Variants in SCAI observed in about 807,000 individuals in gnomAD.
SCAI encodes protein SCAI.
In SCAI, 24 loss-of-function variants were observed where a neutral mutation model predicts 92.2. The ratio of observed to expected loss-of-function variants is 0.26; its 90% CI spans 0.19 to 0.37. The LOEUF is 0.37. SCAI is among the 10% of genes least tolerant of loss of function. The pLI, the probability that SCAI is intolerant of heterozygous loss-of-function variation, is 1.00. For missense variants in SCAI, 450 were observed against 736.2 expected (o/e 0.61, Z 4.50); for synonymous variants, 261 against 258.6 (o/e 1.01, Z -0.09).
intron 6 of SCAI, among the ~76,000 whole-genome samples, chr9:125,021,285 G>A (rs1294132606): frequency 6.6e-6 from 1 of 152,142 alleles, no homozygotes; most frequent in African/African-American, 2.4e-5. Context: ...CCTTTTACTT[G>A]ATGTTTTTAG....
intron 2 of SCAI, among the ~76,000 whole-genome samples, chr9:125,093,418 C>T (rs1834481483): frequency 6.6e-6 from 1 of 152,118 alleles, no homozygotes; most frequent in South Asian, 2.1e-4. Flanking sequence ...CTCAAAGTTT[C>T]CACTGATGGT....
intron 17 of SCAI, among the ~76,000 whole-genome samples, chr9:124,957,275 G>A (rs1056293890): frequency 2.2e-4 from 33 of 152,182 alleles, no homozygotes; most frequent in South Asian, 1.9e-3. Context: ...TTAAAGGAGT[G>A]AGCCAGCATA....
At chr9:125,115,127 C>T (rs1252247438) in intron 2 of SCAI, among the ~76,000 whole-genome samples, 1 of 151,858 alleles carries the variant, frequency 6.6e-6, no homozygotes, top group Non-Finnish European at 1.5e-5. Context: ...AATCCCAGCA[C>T]TTCAGGAGGC....
chr9:125,058,046 C>T (rs2043368397), intron 2 of SCAI, among the ~76,000 whole-genome samples: 1 of 151,736 alleles, frequency 6.6e-6, no homozygotes, highest in Non-Finnish European at 1.5e-5. Flanking sequence ...GTGCAGAGAG[C>T]TATGATCCCT....
At chr9:125,041,912 C>T (rs1157209054) in intron 3 of SCAI, among the ~76,000 whole-genome samples, 2 of 152,080 alleles carry the variant, frequency 1.3e-5, no homozygotes, top group Non-Finnish European at 2.9e-5. Context: ...AGACATATCA[C>T]AGAAGTTAAT....
intron 2 of SCAI, among the ~76,000 whole-genome samples, chr9:125,128,418 G>A (rs1438377474): frequency 5.9e-5 from 9 of 151,566 alleles, no homozygotes; most frequent in African/African-American, 1.5e-4. Flanking sequence ...TCAGGAGTTC[G>A]AGACCAGCCT....
intron 2 of SCAI, among the ~76,000 whole-genome samples, chr9:125,099,514 T>G (rs1210179359): frequency 6.6e-6 from 1 of 152,148 alleles, no homozygotes; most frequent in East Asian, 1.9e-4. Flanking sequence ...CCTCCTGGCC[T>G]CAAGTGATGC....
At chr9:125,050,731 C>T (rs985330445) in intron 3 of SCAI, among the ~76,000 whole-genome samples, 3 of 152,066 alleles carry the variant, frequency 2.0e-5, no homozygotes, top group Admixed American at 2.0e-4. Context: ...CACCACCACA[C>T]CCAGCTAATT....
chr9:125,064,568 G>A (rs1833839926), intron 2 of SCAI, among the ~76,000 whole-genome samples: 1 of 152,164 alleles, frequency 6.6e-6, no homozygotes, highest in South Asian at 2.1e-4. Flanking sequence ...ATTCTCAGGT[G>A]GGTGCAGTGG....
intron 17 of SCAI, chr9:124,968,916 C>T: frequency 1.0e-5 from 4 of 401,214 alleles, no homozygotes; most frequent in South Asian, 5.1e-5. Context: ...TGTAGGAAAT[C>T]TCCAAAATTT....
chr9:124,977,660 C>T (rs934427563), intron 14 of SCAI, among the ~76,000 whole-genome samples: 1 of 152,106 alleles, frequency 6.6e-6, no homozygotes, highest in Non-Finnish European at 1.5e-5. Context: ...CGCAACAGAG[C>T]GAGACCCTGT....
intron 6 of SCAI, among the ~76,000 whole-genome samples, chr9:125,025,282 C>T (rs1472131051): frequency 6.6e-6 from 1 of 152,138 alleles, no homozygotes; most frequent in Non-Finnish European, 1.5e-5. Context: ...CCAAATAATC[C>T]TACTTCTAAA....
chr9:125,040,079 G>C (rs1050075154), intron 3 of SCAI, among the ~76,000 whole-genome samples: 4 of 152,146 alleles, frequency 2.6e-5, no homozygotes, highest in African/African-American at 9.7e-5. Context: ...TTTTGGCAGG[G>C]GACTGTGGCT....
At chr9:125,042,634 TACAC>T (rs1554783862) in intron 3 of SCAI, among the ~76,000 whole-genome samples, 1,213 of 96,188 alleles carry the variant, frequency 0.013, 17 homozygotes, top group African/African-American at 0.036. Flanking sequence ...TGTGTGTGTG[TACAC>T]ACACACACAC....
Position 124,945,621 on chromosome 9 carries a change from A to G in SCAI, c.*7186T>C, listed in dbSNP as rs1235528574. On this transcript the variant is annotated 3_prime_UTR_variant, in exon 18 of 18. Coordinates refer to ENST00000336505, the MANE Select transcript of SCAI (RefSeq NM_001144877.3). ...TAACAAAAATATTTTAAAATTAAGA[A>G]TGGTGCTTCAATCAGTTATTAAATT... The G allele has an allele frequency of 6.6e-6, 1 of 152,222 alleles. No homozygotes were observed. The highest frequency in any genetic ancestry group is 1.5e-5 in the Non-Finnish European group (1 of 68,046). The allele number at this position is 152,222 out of a possible 1,614,324, so 9.4% of individuals were successfully genotyped here.
intron 2 of SCAI, among the ~76,000 whole-genome samples, chr9:125,066,833 A>G (rs1293888410): frequency 6.6e-6 from 1 of 151,996 alleles, no homozygotes; most frequent in Non-Finnish European, 1.5e-5. Context: ...CACCATTTCT[A>G]TGTTTAGATA....
rs1356598169 is a variant in SCAI at position 125,018,832 on chromosome 9, A to G, written c.828T>C (p.Ala276=). The G allele has an allele frequency of 6.2e-7, 1 of 1,612,924 alleles. No homozygotes were observed. ...TACAATTACCAATAATGAGTGCGTC[A>G]GCCAGAGACAACTGTCCCACAATCA... is the stretch of plus-strand genomic sequence containing the variant. ...QGMIVGQLSL[A]DALIIGNCNN... Residue 276 remains alanine (A), a synonymous_variant, in exon 9 of 18, where the codon GCT becomes GCC. Coordinates refer to ENST00000336505, the MANE Select transcript of SCAI (RefSeq NM_001144877.3).
chr9:125,056,983 C>T (rs1588183991), intron 2 of SCAI, among the ~76,000 whole-genome samples: 1 of 152,100 alleles, frequency 6.6e-6, no homozygotes, highest in African/African-American at 2.4e-5. Flanking sequence ...TTTCATAAAG[C>T]TGCCATGTAA....
chr9:125,095,947 T>C (rs1834543006), intron 2 of SCAI, among the ~76,000 whole-genome samples: 1 of 152,198 alleles, frequency 6.6e-6, no homozygotes, highest in African/African-American at 2.4e-5. Context: ...GGGTGAGGGC[T>C]ACAACTGCTG....
Sources: allele counts gnomAD v4.1 joint callset (sites outside exome capture counted in the v4.1 genomes callset), GRCh38; gene constraint gnomAD v4.1.1; transcripts MANE v1.5; gene names NCBI Gene and HGNC (gene_info 2026-07-23, HGNC 2026-07-21).